The following FGFR1 variants were observed in gnomAD, a reference collection of about 807,000 sequenced individuals.
FGFR1 encodes the protein fibroblast growth factor receptor 1.
FGFR1 carries 18 observed loss-of-function variants against 93.7 expected under a neutral mutation model. That is an observed-to-expected ratio of 0.19 (90% CI 0.13 to 0.28). The LOEUF is 0.28. Among genes scored for constraint, FGFR1 ranks in the 10% least tolerant of loss-of-function variants. The pLI is 1.00. For missense variants in FGFR1, 731 were observed against 1,080.4 expected (o/e 0.68, Z 4.53); for synonymous variants, 448 against 429.3 (o/e 1.04, Z -0.54).
rs17175750 is a variant in FGFR1, at chr8:38,457,381, C to G, written c.66G>C (p.Arg22Ser). 4.8e-4 allele frequency: 769 copies of G among 1,613,740 alleles called. 7 individuals are homozygous for G. In the South Asian group the frequency reaches 7.9e-3, roughly 16 times the overall value. The change falls in exon 2 of 18, where the codon AGG (arginine) becomes AGC (serine). Residue 22 changes from arginine to serine, a missense_variant. Around this residue, in one of 10 missense-constraint regions of FGFR1, gnomAD observed 212 missense variants for 205.8 expected, o/e 1.03. Transcript: ENST00000447712. ...VLVTATLCTARPSPTLPEQAQ... is the reference protein window; with the variant it reads ...VLVTATLCTASPSPTLPEQAQ... Reference sequence around the variant, plus strand: ...CTTGTTCAGGCAAGGTCGGGGACGGCCTAGCGGTGCAGAGTGTGGCTGTGA... The same window carrying G: ...CTTGTTCAGGCAAGGTCGGGGACGGGCTAGCGGTGCAGAGTGTGGCTGTGA...
At chr8:38,464,578 C>G (rs973310711) in intron 1 of FGFR1, among the ~76,000 whole-genome samples, 1 of 152,086 alleles carries the variant, frequency 6.6e-6, no homozygotes, top group Non-Finnish European at 1.5e-5. Context: ...TATCCTAGCC[C>G]AAGTCTGACA....
chr8:38,445,130 G>A (rs2151175912), intron 2 of FGFR1, among the ~76,000 whole-genome samples: 2 of 152,296 alleles, frequency 1.3e-5, no homozygotes, highest in South Asian at 2.1e-4. Context: ...GAGGGGCATC[G>A]CTTACTGGCA....
At chr8:38,444,515 A>C in intron 2 of FGFR1, among the ~76,000 whole-genome samples, 1 of 148,270 alleles carries the variant, frequency 6.7e-6, no homozygotes. Context: ...CAGCCCCCCA[A>C]GCAGCTGGGA....
At position 38,418,221 on chromosome 8, in the gene FGFR1, T is replaced by A. The variant is rs1289072026; in HGVS notation, c.1430+7A>T. On this transcript the variant is annotated splice_region_variant and intron_variant, in intron 10 of 17. Transcript: ENST00000447712. ...CTTCAAAAAGTTGGGAGTCAAAGTA[T>A]TATTACCTGTCCCGAGGCAGCTCCC... The A allele has an allele frequency of 6.2e-7, 1 of 1,614,026 alleles. No individual in the cohort carries two copies. Among genetic ancestry groups the A allele is most frequent in the Admixed American group, 1.7e-5 (1 of 60,024 alleles).
intron 1 of FGFR1, chr8:38,465,863 G>GGTA: frequency 4.5e-6 from 1 of 223,392 alleles, no homozygotes; most frequent in East Asian, 6.4e-5. Flanking sequence ...AGGTGCAAAG[G>GGTA]GTAGGGCACA....
intron 1 of FGFR1, 134 bp downstream of exon 1, chr8:38,467,842 AGGGGC>A: frequency 4.8e-6 from 1 of 209,880 alleles, no homozygotes; most frequent in Non-Finnish European, 9.7e-6. Flanking sequence ...AGGAGGTGAA[AGGGGC>A]GGGCGGCGAG....
Position 38,413,305 on chromosome 8 carries a change from A to G in FGFR1, c.*323T>C. On this transcript the variant is annotated 3_prime_UTR_variant, in exon 18 of 18. Coordinates refer to ENST00000447712, the MANE Select transcript of FGFR1 (RefSeq NM_023110.3). The surrounding 1 kb of genome is among the most constrained non-coding windows in gnomAD (Gnocchi z 4.2). ...GAAAGCTCAGGAAGCTCTCACTTGC[A>G]TGCCTGTTCATTGGCTCCCACTCCC... The G allele has an allele frequency of 2.3e-6, 1 of 442,472 alleles. No individual in the cohort carries two copies. The highest frequency in any genetic ancestry group is 4.1e-6 in the Non-Finnish European group (1 of 245,806). 27.4% of individuals were successfully genotyped at this position (442,472 alleles called of 1,614,324 possible).
intron 2 of FGFR1, among the ~76,000 whole-genome samples, chr8:38,442,651 T>TC (rs1241386407): frequency 6.6e-6 from 1 of 151,508 alleles, no homozygotes; most frequent in Non-Finnish European, 1.5e-5. Flanking sequence ...TGTATCGCCC[T>TC]CCCCCCACCT....
At chr8:38,425,906 C>T (rs1820599384) in intron 6 of FGFR1, 1 of 623,238 alleles carries the variant, frequency 1.6e-6, no homozygotes, top group Non-Finnish European at 2.9e-6. Context: ...CAGTGACAAC[C>T]AGCTTTGACC....
intron 2 of FGFR1, among the ~76,000 whole-genome samples, chr8:38,436,545 A>C (rs1825491565): frequency 6.6e-6 from 1 of 152,104 alleles, no homozygotes; most frequent in African/African-American, 2.4e-5. Context: ...TCCTGGGTCA[A>C]AGCAGCTGGC....
Sources: gnomAD v4.1 joint callset for allele counts (sites outside exome capture counted in the v4.1 genomes callset) on GRCh38, gnomAD v4.1.1 for gene constraint, gnomAD v4.1.1 regional missense constraint, Gnocchi (gnomAD v3.1) non-coding constraint, MANE v1.5 for transcripts, NCBI Gene and HGNC (gene_info 2026-07-23, HGNC 2026-07-21) for gene names.